The following FRA10AC1 variants were observed in gnomAD, a reference collection of about 807,000 sequenced individuals.
The protein encoded by FRA10AC1 is protein FRA10AC1.
Under a neutral mutation model 56.5 loss-of-function variants are expected in FRA10AC1, and 43 were observed. The observed-to-expected ratio is 0.76, with a 90% CI of 0.60 to 0.98. FRA10AC1 has a LOEUF of 0.98. FRA10AC1 is among the 50% of genes least tolerant of loss of function. FRA10AC1 has a pLI of 0.00. For missense variants in FRA10AC1, 346 were observed against 351.8 expected (o/e 0.98, Z 0.13); for synonymous variants, 112 against 110.5 (o/e 1.01, Z -0.09).
chr10:93,669,859 T>C lies in FRA10AC1; in HGVS notation c.915A>G (p.Glu305=). Residue 305 remains glutamate (E), a synonymous_variant, in exon 14 of 14, where the codon GAA becomes GAG. Transcript: ENST00000359204. ...ACAAATCCTGAAAATACTCATCAAA[T>C]TCTTCTTCCCTATTTAAAAAAAAAA... The part of the protein sequence containing the change: ...PETDEKSQEE[E]FDEYFQDLFL The C allele has an allele frequency of 6.3e-7, 1 of 1,574,906 alleles. No individual in the cohort carries two copies. The highest frequency in any genetic ancestry group is 8.7e-7 in the Non-Finnish European group (1 of 1,152,126).
At chr10:93,674,328 C>G (rs547618070) in intron 12 of FRA10AC1, 1 of 152,102 alleles carries the variant, frequency 6.6e-6, no homozygotes, top group East Asian at 1.9e-4. Context: ...TTTTAATAAT[C>G]CAGGTGTCAA....
At chr10:93,699,677 G>A (rs1484647230) in intron 2 of FRA10AC1, among the ~76,000 whole-genome samples, 2 of 152,302 alleles carry the variant, frequency 1.3e-5, no homozygotes, top group East Asian at 3.9e-4. Context: ...GTAATGGCAA[G>A]AGACCACCAT....
chr10:93,674,566 T>A (rs1414981410), intron 12 of FRA10AC1: 1 of 152,134 alleles, frequency 6.6e-6, no homozygotes, highest in Non-Finnish European at 1.5e-5. Context: ...CAAGATCAAA[T>A]TAGCTAGGGG....
At chr10:93,690,426 T>C (rs1038781790) in intron 7 of FRA10AC1, among the ~76,000 whole-genome samples, 1 of 152,198 alleles carries the variant, frequency 6.6e-6, no homozygotes, top group Non-Finnish European at 1.5e-5. Context: ...TATCCATTTT[T>C]GAAAAATTGA....
chr10:93,700,185 T>C, intron 1 of FRA10AC1, 79 bp from the exon 2 acceptor site: 1 of 822,726 alleles, frequency 1.2e-6, no homozygotes, highest in Non-Finnish European at 2.0e-6. Context: ...AAATAAGTTA[T>C]CTTAAACAGC....
chr10:93,685,138 T>G, intron 9 of FRA10AC1, 108 bp downstream of exon 9: 1 of 640,352 alleles, frequency 1.6e-6, no homozygotes, highest in Non-Finnish European at 2.7e-6. Flanking sequence ...AAAAGAGCAC[T>G]TCCAGAAAGA....
Position 93,700,048 on chromosome 10 carries a change from G to A in FRA10AC1, c.59C>T (p.Ser20Phe), listed in dbSNP as rs751094541. The A allele has an allele frequency of 6.3e-7, 1 of 1,587,680 alleles. No individual in the cohort carries two copies. Among genetic ancestry groups the A allele is most frequent in the Non-Finnish European group, 8.6e-7 (1 of 1,160,370 alleles). ...TACTTACCTTTTTTTCCTTTTGCTG[G>A]ATTCTCCACAGCGTTCATCATCACT... ...DFSDDERCGE[S>F]SKRKKRTVED... Residue 20 changes from serine (S) to phenylalanine (F), a missense_variant, in exon 2 of 14, where the codon TCC (serine) becomes TTC (phenylalanine). By Grantham distance (155) the Ser-to-Phe change is radical. Transcript: ENST00000359204.
intron 11 of FRA10AC1, among the ~76,000 whole-genome samples, chr10:93,680,656 A>AT (rs2133907154): frequency 6.6e-6 from 1 of 152,322 alleles, no homozygotes; most frequent in Admixed American, 6.5e-5. Flanking sequence ...ATCTAATTCA[A>AT]TTACCTATCT....
intron 8 of FRA10AC1, among the ~76,000 whole-genome samples, chr10:93,685,862 T>C (rs1176210375): frequency 1.3e-5 from 2 of 151,876 alleles, no homozygotes; most frequent in African/African-American, 4.8e-5. Flanking sequence ...AATACTAGCA[T>C]AGATGGCCTT....
At chr10:93,695,426 C>G (rs2059215611) in intron 4 of FRA10AC1, among the ~76,000 whole-genome samples, 1 of 151,688 alleles carries the variant, frequency 6.6e-6, no homozygotes, top group South Asian at 2.1e-4. Flanking sequence ...TAAATCCCAA[C>G]ATTAAACTTT....
chr10:93,685,217 C>G lies in FRA10AC1; in HGVS notation c.625+29G>C, dbSNP rs199662472. The G allele has an allele frequency of 4.3e-6, 4 of 925,858 alleles. No individual in the cohort carries two copies. In the African/African-American group the frequency reaches 5.1e-5, roughly 12 times the overall value. The allele number at this position is 925,858 out of a possible 1,614,324, so 57.4% of individuals were successfully genotyped here. On this transcript the variant is annotated intron_variant, in intron 9 of 13. Transcript: ENST00000359204. ...AAATTAAAGACAAACTTGGAAGAAT[C>G]AATCATATACCCCCTAAAATCAACT... is the stretch of plus-strand genomic sequence containing the variant.
At chr10:93,675,083 G>C (rs2058820491) in intron 12 of FRA10AC1, 2 of 152,118 alleles carry the variant, frequency 1.3e-5, no homozygotes, top group African/African-American at 4.8e-5. Flanking sequence ...AGTGCTTTAA[G>C]ACACTTCAAA....
At chr10:93,682,057 A>G (rs1025904644) in intron 10 of FRA10AC1, among the ~76,000 whole-genome samples, 3 of 152,212 alleles carry the variant, frequency 2.0e-5, no homozygotes, top group Non-Finnish European at 4.4e-5. Flanking sequence ...AAAGGAATAT[A>G]GTAGAAGCAT....
At chr10:93,685,109 C>G (rs2059001875) in intron 9 of FRA10AC1, 137 bp downstream of exon 9, 2 of 572,146 alleles carry the variant, frequency 3.5e-6, no homozygotes, top group African/African-American at 2.0e-5. Context: ...TTCTTTGAGA[C>G]TTTGGGAAGC....
At chr10:93,674,340 T>C (rs1464404540) in intron 12 of FRA10AC1, 2 of 152,160 alleles carry the variant, frequency 1.3e-5, no homozygotes, top group Non-Finnish European at 2.9e-5. Context: ...AGGTGTCAAA[T>C]GGGTTAAGAA....
At chr10:93,695,110 T>C (rs2059209973) in intron 4 of FRA10AC1, among the ~76,000 whole-genome samples, 173 bp from the exon 5 acceptor site, 1 of 152,138 alleles carries the variant, frequency 6.6e-6, no homozygotes, top group Non-Finnish European at 1.5e-5. Context: ...TATATTAAAT[T>C]GTTGAAAGTG....
At position 93,687,451 on chromosome 10, in the gene FRA10AC1, T is replaced by C. The variant is rs907619491; in HGVS notation, c.466-2A>G. The C allele has an allele frequency of 1.3e-6, 2 of 1,510,072 alleles. No individual in the cohort carries two copies. Among genetic ancestry groups the C allele is most frequent in the African/African-American group, 1.4e-5 (1 of 71,040 alleles). 93.5% of individuals were successfully genotyped at this position (1,510,072 alleles called of 1,614,324 possible). ...TTCTACTCGCCACCTAAATCCAAAC[T>C]GATAATAAAAAAATTACATTTATGC... On this transcript the variant is annotated splice_acceptor_variant, in intron 7 of 13. Transcript: ENST00000359204. LOFTEE classifies it high-confidence loss of function.
Position 93,702,572 on chromosome 10 carries a change from TC to T in FRA10AC1, c.-199del. On this transcript the variant is annotated 5_prime_UTR_variant, in exon 1 of 14. Transcript: ENST00000359204. Reference sequence around the variant, plus strand: ...CCCGCAACCCGCCTCTCCCTACGGGTCCCGACTGGGCACCACTTCCGGTCCG... The same window carrying T: ...CCCGCAACCCGCCTCTCCCTACGGGTCCGACTGGGCACCACTTCCGGTCCG... 1 of 218,524 alleles carries T rather than the reference TC, an allele frequency of 4.6e-6. No individual in the cohort carries two copies. Among genetic ancestry groups the T allele is most frequent in the Admixed American group, 6.2e-5 (1 of 16,198 alleles). 13.5% of individuals were successfully genotyped at this position (218,524 alleles called of 1,614,324 possible). A position where few individuals can be genotyped will look rare whatever the true frequency, so the allele number is the denominator to read the frequency against.
chr10:93,670,706 C>A (rs2058746556), intron 13 of FRA10AC1, 64 bp downstream of exon 13: 2 of 1,024,966 alleles, frequency 2.0e-6, no homozygotes, highest in East Asian at 2.4e-5. Flanking sequence ...ATTAATAAAG[C>A]TGTGGTTATA....
Sources: gnomAD v4.1 joint callset for allele counts (sites outside exome capture counted in the v4.1 genomes callset) on GRCh38, gnomAD v4.1.1 for gene constraint, MANE v1.5 for transcripts, NCBI Gene and HGNC (gene_info 2026-07-23, HGNC 2026-07-21) for gene names.